ACVR2B: variants seen among roughly 807,000 people sequenced by gnomAD.
The protein encoded by ACVR2B is activin A receptor type 2B.
A neutral mutation model predicts 65.1 loss-of-function variants in ACVR2B; 18 were observed. The observed-to-expected ratio is 0.28, with a 90% CI of 0.19 to 0.41. The LOEUF (loss-of-function observed/expected upper bound fraction) is 0.41. Among genes scored for constraint, ACVR2B ranks in the 10% least tolerant of loss-of-function variants. The probability of loss-of-function intolerance (pLI) is 1.00; values close to 1 mark genes in which losing one functional copy is unlikely to be tolerated. For missense variants in ACVR2B, 482 were observed against 682.7 expected (o/e 0.71, Z 3.28); for synonymous variants, 298 against 277.7 (o/e 1.07, Z -0.73).
chr3:38,490,656 A>C lies in ACVR2B; in HGVS notation c.*7324A>C, dbSNP rs973853496. 4 of 152,462 alleles carry C rather than the reference A, an allele frequency of 2.6e-5. No homozygotes were observed. Among genetic ancestry groups the C allele is most frequent in the Non-Finnish European group, 5.9e-5 (4 of 68,022 alleles). 9.4% of individuals were successfully genotyped at this position (152,462 alleles called of 1,614,324 possible). On this transcript the variant is annotated 3_prime_UTR_variant, in exon 11 of 11. Coordinates refer to ENST00000352511, the MANE Select transcript of ACVR2B (RefSeq NM_001106.4). ...TTTCCCAGCCCTAATTTCTGGATGC[A>C]CTTCTGTGATCCAGGTATTTTAAGA... is the stretch of plus-strand genomic sequence containing the variant.
chr3:38,479,562 A>G, intron 6 of ACVR2B, 116 bp from the exon 7 acceptor site: 5 of 1,296,444 alleles, frequency 3.9e-6, no homozygotes, highest in Non-Finnish European at 5.6e-6. Flanking sequence ...CGATTGTAGT[A>G]GCCTTCCAGG....
intron 1 of ACVR2B, chr3:38,454,919 C>T (rs1327179195): frequency 6.6e-6 from 1 of 152,266 alleles, no homozygotes; most frequent in Non-Finnish European, 1.5e-5. Flanking sequence ...GGTGCTGGCT[C>T]CCACCTGCTC....
At chr3:38,478,057 G>A (rs1156428544) in intron 3 of ACVR2B, 84 bp from the exon 4 acceptor site, 1 of 1,596,562 alleles carries the variant, frequency 6.3e-7, no homozygotes, top group African/African-American at 1.3e-5. Context: ...GTTGGGTGGG[G>A]TGTGGCTACA....
intron 1 of ACVR2B, among the ~76,000 whole-genome samples, chr3:38,464,315 T>C (rs1347142993): frequency 1.3e-5 from 2 of 152,284 alleles, no homozygotes; most frequent in Non-Finnish European, 2.9e-5. Context: ...ACTGGTGGGC[T>C]TAATTTCCGT....
chr3:38,454,416 G>T, intron 1 of ACVR2B, 42 bp downstream of exon 1: 1 of 1,237,492 alleles, frequency 8.1e-7, no homozygotes, highest in South Asian at 3.4e-5. Flanking sequence ...GAGGGCGCGC[G>T]GGGCTGGCCT....
Position 38,478,425 on chromosome 3 carries a change from G to A in ACVR2B, c.573G>A (p.Gln191=), listed in dbSNP as rs770100411. Residue 191 remains glutamine (Q), a synonymous_variant, in exon 5 of 11, where the codon CAG becomes CAA. Transcript: ENST00000352511. The part of the protein sequence containing the change: ...PSPLVGLKPL[Q]LLEIKARGRF... ...CTCTGGTGGGCCTGAAGCCACTGCA[G>A]CTGCTGGAGATCAAGGCTCGGGGGC... is the stretch of plus-strand genomic sequence containing the variant. 6.2e-7 allele frequency: 1 copy of A among 1,614,160 alleles called. No homozygotes were observed. The highest frequency in any genetic ancestry group is 1.1e-5 in the South Asian group (1 of 91,080).
In ACVR2B at chr3:38,454,144, G is replaced by C; in HGVS notation, c.-179G>C. The C allele has an allele frequency of 3.3e-6, 1 of 299,036 alleles. No homozygotes were observed. Among genetic ancestry groups the C allele is most frequent in the Non-Finnish European group, 5.2e-6 (1 of 191,626 alleles). 18.5% of individuals were successfully genotyped at this position (299,036 alleles called of 1,614,324 possible). A position where few individuals can be genotyped will look rare whatever the true frequency, so the allele number is the denominator to read the frequency against. On this transcript the variant is annotated 5_prime_UTR_variant, in exon 1 of 11. Coordinates refer to ENST00000352511, the MANE Select transcript of ACVR2B (RefSeq NM_001106.4). ...CAGCGGCCCTGAGCCCGGCCCCGCCGACCGGCCCTTGGAGCCCGAACGCTG... is the reference window on the plus strand; with the variant it reads ...CAGCGGCCCTGAGCCCGGCCCCGCCCACCGGCCCTTGGAGCCCGAACGCTG...
In ACVR2B at chr3:38,488,133, G is replaced by A. The variant is rs1331321223; in HGVS notation, c.*4801G>A. 6.6e-6 allele frequency: 1 copy of A among 152,208 alleles called. No individual in the cohort carries two copies. Among genetic ancestry groups the A allele is most frequent in the Non-Finnish European group, 1.5e-5 (1 of 68,042 alleles). The allele number at this position is 152,208 out of a possible 1,614,324, so 9.4% of individuals were successfully genotyped here. A position where few individuals can be genotyped will look rare whatever the true frequency, so the allele number is the denominator to read the frequency against. ...GGCTGTTTGCAAATTCTAAACTAAT[G>A]AAATACTTAGCAGCTAACATGTTCA... is the stretch of plus-strand genomic sequence containing the variant. On this transcript the variant is annotated 3_prime_UTR_variant, in exon 11 of 11. Transcript: ENST00000352511.
At position 38,477,728 on chromosome 3, in the gene ACVR2B, G is replaced by T; in HGVS notation, c.261-133G>T. The T allele has an allele frequency of 9.2e-7, 1 of 1,085,714 alleles. No homozygotes were observed. The highest frequency in any genetic ancestry group is 1.7e-5 in the Admixed American group (1 of 59,114). The allele number at this position is 1,085,714 out of a possible 1,614,324, so 67.3% of individuals were successfully genotyped here. ...TCCTTGGCTTTGGGTCTCCTGTAGGGGAGGTGAGTTCACACCGTCCCCCTG... is the reference window on the plus strand; with the variant it reads ...TCCTTGGCTTTGGGTCTCCTGTAGGTGAGGTGAGTTCACACCGTCCCCCTG... On this transcript the variant is annotated intron_variant, in intron 2 of 10. Coordinates refer to ENST00000352511, the MANE Select transcript of ACVR2B (RefSeq NM_001106.4). The surrounding 1 kb of genome is among the most constrained non-coding windows in gnomAD (Gnocchi z 6.7).
At chr3:38,467,744 C>G (rs1434435700) in intron 1 of ACVR2B, among the ~76,000 whole-genome samples, 1 of 111,856 alleles carries the variant, frequency 8.9e-6, no homozygotes, top group Non-Finnish European at 2.0e-5. Context: ...AGAGCAAGAC[C>G]CTGTGTCCAA....
At chr3:38,471,570 A>G (rs1160459860) in intron 1 of ACVR2B, among the ~76,000 whole-genome samples, 3 of 152,138 alleles carry the variant, frequency 2.0e-5, no homozygotes, top group Admixed American at 2.0e-4. Flanking sequence ...CAACAAACAT[A>G]AATAACCTGA....
intron 7 of ACVR2B, among the ~76,000 whole-genome samples, chr3:38,480,080 G>T (rs901391579): frequency 2.0e-5 from 3 of 152,144 alleles, no homozygotes; most frequent in African/African-American, 7.2e-5. Context: ...TGGAGAGTTG[G>T]CTCAGTAGTT....
Position 38,481,370 on chromosome 3 carries a change from G to A in ACVR2B, c.979G>A (p.Val327Ile), listed in dbSNP as rs774784440. The A allele has an allele frequency of 1.9e-6, 3 of 1,614,164 alleles. No individual in the cohort carries two copies. The highest frequency in any genetic ancestry group is 2.2e-5 in the South Asian group (2 of 91,090). ...IAHRDFKSKN[V>I]LLKSDLTAVL... ...CCACAGGGACTTTAAAAGTAAGAAT[G>A]TATTGCTGAAGAGCGACCTCACAGC... The change falls in exon 8 of 11, where the codon GTA (valine) becomes ATA (isoleucine). Residue 327 changes from valine (V) to isoleucine (I), a missense_variant. Physicochemically the swap from Val to Ile is conservative, Grantham distance 29. Transcript: ENST00000352511. The surrounding 1 kb of genome is among the most constrained non-coding windows in gnomAD (Gnocchi z 4.7).
chr3:38,465,995 A>AT (rs1180777608), intron 1 of ACVR2B, among the ~76,000 whole-genome samples: 3 of 152,252 alleles, frequency 2.0e-5, no homozygotes, highest in Non-Finnish European at 4.4e-5. Flanking sequence ...CCAGAAGATA[A>AT]TAGAATGATA....
chr3:38,455,140 C>G (rs2125710837), intron 1 of ACVR2B, among the ~76,000 whole-genome samples: 1 of 152,244 alleles, frequency 6.6e-6, no homozygotes, highest in East Asian at 1.9e-4. Context: ...GTTCGGCCAG[C>G]GCATGTGTGT....
chr3:38,462,029 C>G (rs1012429725), intron 1 of ACVR2B, among the ~76,000 whole-genome samples: 1 of 151,948 alleles, frequency 6.6e-6, no homozygotes, highest in Non-Finnish European at 1.5e-5. Flanking sequence ...CCCGTCTCTA[C>G]TAAAAATACA....
Position 38,484,675 on chromosome 3 carries a change from C to G in ACVR2B, c.*1343C>G, listed in dbSNP as rs201259632. 1 of 152,264 alleles carries G rather than the reference C, an allele frequency of 6.6e-6. No individual in the cohort carries two copies. The highest frequency in any genetic ancestry group is 2.4e-5 in the African/African-American group (1 of 41,358). 9.4% of individuals were successfully genotyped at this position (152,264 alleles called of 1,614,324 possible). A position where few individuals can be genotyped will look rare whatever the true frequency, so the allele number is the denominator to read the frequency against. Reference sequence around the variant, plus strand: ...AACATGCTAAATTTTTTTTTTCAAACAAAACACACACATCCACATATACAC... The same window carrying G: ...AACATGCTAAATTTTTTTTTTCAAAGAAAACACACACATCCACATATACAC... On this transcript the variant is annotated 3_prime_UTR_variant, in exon 11 of 11. Coordinates refer to ENST00000352511, the MANE Select transcript of ACVR2B (RefSeq NM_001106.4).
At chr3:38,479,915 A>C (rs1042384620) in intron 7 of ACVR2B, 89 bp downstream of exon 7, 3 of 1,498,106 alleles carry the variant, frequency 2.0e-6, no homozygotes, top group Non-Finnish European at 2.7e-6. Context: ...AGATGTCTCA[A>C]CTTCCTAAAC....
chr3:38,489,050 A>G lies in ACVR2B; in HGVS notation c.*5718A>G, dbSNP rs1710169016. 1 of 152,284 alleles carries G rather than the reference A, an allele frequency of 6.6e-6. No homozygotes were observed. Among genetic ancestry groups the G allele is most frequent in the Admixed American group, 6.5e-5 (1 of 15,278 alleles). 9.4% of individuals were successfully genotyped at this position (152,284 alleles called of 1,614,324 possible). On this transcript the variant is annotated 3_prime_UTR_variant, in exon 11 of 11. Coordinates refer to ENST00000352511, the MANE Select transcript of ACVR2B (RefSeq NM_001106.4). ...CACAGTTATGAAAAATATGACCCACAAGTTTTTCAGGCAGGTGAGGATGGG... is the reference window on the plus strand; with the variant it reads ...CACAGTTATGAAAAATATGACCCACGAGTTTTTCAGGCAGGTGAGGATGGG...
Sources: allele counts gnomAD v4.1 joint callset (sites outside exome capture counted in the v4.1 genomes callset), GRCh38; gene constraint gnomAD v4.1.1; non-coding constraint Gnocchi (gnomAD v3.1); transcripts MANE v1.5; gene names NCBI Gene and HGNC (gene_info 2026-07-23, HGNC 2026-07-21).